Variants in ANKRD30B observed in about 807,000 individuals in gnomAD.
ANKRD30B encodes ankyrin repeat domain-containing protein 30B.
ANKRD30B carries 144 observed loss-of-function variants against 202.2 expected under a neutral mutation model. The observed-to-expected ratio is 0.71, with a 90% confidence interval of 0.62 to 0.82. The LOEUF is 0.82. ANKRD30B is among the 40% of genes least tolerant of loss of function. The pLI, the probability that ANKRD30B is intolerant of heterozygous loss-of-function variation, is 0.00. For synonymous variants in ANKRD30B, 508 were observed against 561.3 expected, an observed-to-expected ratio of 0.91 and a Z score of 1.34; for missense variants, 1,487 against 1,669.1, an observed-to-expected ratio of 0.89 and a Z score of 1.90.
chr18:14,885,014 A>G, the ANKRD30B span, among the ~76,000 whole-genome samples: 2 of 152,124 alleles, frequency 1.3e-5, no homozygotes, highest in South Asian at 2.1e-4. Flanking sequence ...TAAGATACAT[A>G]TTGAGAATTC....
Position 14,791,097 on chromosome 18 carries a change from A to G in ANKRD30B, c.1735-304A>G, listed in dbSNP as rs183414657. ...TGTTATTCGTCTATTCAGAGATTCA[A>G]CTTATTCCTGGTTTAGTCTTGGGAG... On this transcript the variant is annotated intron_variant, in intron 15 of 43. Transcript: ENST00000690538. Among the ~76,000 whole-genome samples the G allele has an allele frequency of 8.8e-4, 134 of 152,234 alleles. 1 individual carries two copies. Among genetic ancestry groups the G allele is most frequent in the Non-Finnish European group, 1.4e-3 (95 of 68,026 alleles).
chr18:14,847,092 A>G (rs1215321400), intron 39 of ANKRD30B, among the ~76,000 whole-genome samples: 8 of 98,668 alleles, frequency 8.1e-5, no homozygotes, highest in Non-Finnish European at 1.7e-4. Context: ...ATATATATAT[A>G]TGTATAATGT....
chr18:14,811,848 AAGTT>A (rs1474440372), intron 28 of ANKRD30B, among the ~76,000 whole-genome samples: 1 of 2,834 alleles, frequency 3.5e-4, no homozygotes, highest in Non-Finnish European at 7.6e-4. Context: ...CAGAGTCTTT[AAGTT>A]AGTTATATCT....
In ANKRD30B at chr18:14,804,760, T is replaced by A. The variant is rs148565459; in HGVS notation, c.2284+936T>A. Among the ~76,000 whole-genome samples, 2 of 150,944 alleles carry A rather than the reference T, an allele frequency of 1.3e-5. 1 individual carries two copies. Among genetic ancestry groups the A allele is most frequent in the East Asian group, 3.9e-4 (2 of 5,164 alleles). On this transcript the variant is annotated intron_variant, in intron 24 of 43. Coordinates refer to ENST00000690538, the MANE Select transcript of ANKRD30B (RefSeq NM_001367607.2). Reference sequence around the variant, plus strand: ...TTGTAGATGGAAGATACTACTTCTATACAAAGAAAAAGGAAAGAGTGTGTG... The same window carrying A: ...TTGTAGATGGAAGATACTACTTCTAAACAAAGAAAAAGGAAAGAGTGTGTG...
At chr18:14,820,299 C>T (rs142690130) in intron 30 of ANKRD30B, among the ~76,000 whole-genome samples, 19,259 of 152,114 alleles carry the variant, frequency 0.13, 1,461 homozygotes, top group East Asian at 0.27. Context: ...ACAATCATGT[C>T]GTTTGCAAAG....
chr18:14,788,970 A>G (rs1968279840), intron 15 of ANKRD30B, among the ~76,000 whole-genome samples: 1 of 152,104 alleles, frequency 6.6e-6, no homozygotes, highest in African/African-American at 2.4e-5. Context: ...GAATCGCCAC[A>G]CTGACTTCCA....
At chr18:14,919,154 G>A in the ANKRD30B span, among the ~76,000 whole-genome samples, 14 of 152,334 alleles carry the variant, frequency 9.2e-5, no homozygotes, top group Admixed American at 6.5e-5. Flanking sequence ...CAGTTTCATT[G>A]CCCACTAGGT....
chr18:14,806,095 C>T (rs1459008807), intron 24 of ANKRD30B, among the ~76,000 whole-genome samples: 3 of 149,584 alleles, frequency 2.0e-5, no homozygotes, highest in Admixed American at 6.6e-5. Flanking sequence ...CGGTGGGTGC[C>T]TGTAGTCCCA....
chr18:14,938,966 G>A, the ANKRD30B span, among the ~76,000 whole-genome samples: 1 of 152,174 alleles, frequency 6.6e-6, no homozygotes. Flanking sequence ...CCCTCTAGAG[G>A]CAGGAGGAAA....
downstream of ANKRD30B, among the ~76,000 whole-genome samples, chr18:14,854,879 A>G (rs538769968): frequency 2.8e-4 from 37 of 134,228 alleles, no homozygotes; most frequent in South Asian, 8.5e-3. Flanking sequence ...ACACACACAC[A>G]CGCTCTACCC....
At chr18:14,793,170 G>A (rs1347329269) in intron 16 of ANKRD30B, among the ~76,000 whole-genome samples, 6 of 152,010 alleles carry the variant, frequency 3.9e-5, no homozygotes, top group African/African-American at 1.4e-4. Context: ...ATACGGGTAT[G>A]AAAATCAATG....
At chr18:14,917,129 C>A in the ANKRD30B span, among the ~76,000 whole-genome samples, 34 of 152,318 alleles carry the variant, frequency 2.2e-4, no homozygotes, top group East Asian at 5.0e-3. Flanking sequence ...ACTCCCTCCC[C>A]CTGGCTGCGT....
chr18:14,934,745 C>T, the ANKRD30B span, among the ~76,000 whole-genome samples: 3 of 152,048 alleles, frequency 2.0e-5, no homozygotes, highest in Non-Finnish European at 4.4e-5. Flanking sequence ...GATCCGGAGC[C>T]AAGAGCAGCC....
intron 33 of ANKRD30B, among the ~76,000 whole-genome samples, chr18:14,828,646 G>T (rs1178850351): frequency 6.6e-6 from 1 of 152,166 alleles, no homozygotes; most frequent in African/African-American, 2.4e-5. Context: ...TGGATCACTA[G>T]GATCAAGGTA....
chr18:14,770,695 G>T (rs1966935348), intron 8 of ANKRD30B, among the ~76,000 whole-genome samples: 1 of 152,064 alleles, frequency 6.6e-6, no homozygotes, highest in African/African-American at 2.4e-5. Flanking sequence ...AAACACAGAA[G>T]ACATTGGGAG....
At chr18:14,866,656 C>G in the ANKRD30B span, among the ~76,000 whole-genome samples, 2 of 152,268 alleles carry the variant, frequency 1.3e-5, no homozygotes, top group Admixed American at 6.5e-5. Flanking sequence ...GCGCTCTCTG[C>G]AGCTGCACTG....
intron 39 of ANKRD30B, 129 bp downstream of exon 39, chr18:14,843,225 T>G (rs1271967460): frequency 1.0e-6 from 1 of 959,306 alleles, no homozygotes; most frequent in Non-Finnish European, 1.4e-6. Context: ...AATAGTGGTA[T>G]CCACATTTGA....
At chr18:14,755,111 G>C in intron 4 of ANKRD30B, 106 bp downstream of exon 4, 1 of 641,134 alleles carries the variant, frequency 1.6e-6, no homozygotes, top group Non-Finnish European at 2.4e-6. Flanking sequence ...AAAATTATTA[G>C]ATTATAGTGA....
At chr18:14,910,418 AT>A in the ANKRD30B span, among the ~76,000 whole-genome samples, 3 of 151,478 alleles carry the variant, frequency 2.0e-5, no homozygotes, top group African/African-American at 7.3e-5. Context: ...ATGATTTTTC[AT>A]TTTTTTATGG....
Sources: allele counts gnomAD v4.1 joint callset (sites outside exome capture counted in the v4.1 genomes callset), GRCh38; gene constraint gnomAD v4.1.1; transcripts MANE v1.5; gene names NCBI Gene and HGNC (gene_info 2026-07-23, HGNC 2026-07-21).